Variants in CDKL5 observed in about 807,000 individuals in gnomAD.
The protein encoded by CDKL5 is cyclin-dependent kinase-like 5.
Under a neutral mutation model 61.7 loss-of-function variants are expected in CDKL5, and 8 were observed. That is an observed-to-expected ratio of 0.13 (90% CI 0.08 to 0.23). The LOEUF is 0.23. CDKL5 is among the 10% of genes least tolerant of loss of function. The pLI, the probability that CDKL5 is intolerant of heterozygous loss-of-function variation, is 1.00. For missense variants in CDKL5, 440 were observed against 734.5 expected (o/e 0.60, Z 4.63); for synonymous variants, 275 against 272.3 (o/e 1.01, Z -0.10).
intron 3 of CDKL5, among the ~76,000 whole-genome samples, chrX:18,550,797 A>C: frequency 8.9e-6 from 1 of 112,691 alleles, no homozygotes; most frequent in African/African-American, 3.2e-5. Context: ...ATAGTAACAC[A>C]ATTGCACAAT....
chrX:18,484,080 A>T (rs1921692002), intron 1 of CDKL5, among the ~76,000 whole-genome samples: 1 of 111,671 alleles, frequency 9.0e-6, no homozygotes, highest in African/African-American at 3.3e-5. Flanking sequence ...AGACCTGGAG[A>T]TGAGATCTGT....
intron 3 of CDKL5, among the ~76,000 whole-genome samples, chrX:18,526,381 C>T: frequency 9.0e-6 from 1 of 111,668 alleles, no homozygotes; most frequent in Middle Eastern, 4.6e-3. Flanking sequence ...TCTACATAGA[C>T]AGTCATGTCA....
Position 18,631,669 on chromosome X carries a change from A to G in CDKL5, c.*2912A>G, listed in dbSNP as rs1182118110. On this transcript the variant is annotated 3_prime_UTR_variant, in exon 18 of 18. Coordinates refer to ENST00000623535, the MANE Select transcript of CDKL5 (RefSeq NM_001323289.2). ...GTGAATGAAAGCTTATGTTACTTTT[A>G]TGAAAGTATCACTGATCTCCTTTGG... 5.3e-6 allele frequency: 4 copies of G among 751,955 alleles called. No individual in the cohort carries two copies. Among genetic ancestry groups the G allele is most frequent in the South Asian group, 6.8e-5 (1 of 14,715 alleles). 62.0% of individuals were successfully genotyped at this position (751,955 alleles called of 1,213,427 possible).
chrX:18,452,583 G>A (rs1271948110), intron 1 of CDKL5, among the ~76,000 whole-genome samples: 1 of 109,127 alleles, frequency 9.2e-6, no homozygotes, highest in East Asian at 2.9e-4. Context: ...ACGCTACCAC[G>A]CCCGGCTAAT....
At chrX:18,458,069 C>T (rs1352114051) in intron 1 of CDKL5, among the ~76,000 whole-genome samples, 6 of 106,269 alleles carry the variant, frequency 5.6e-5, no homozygotes, top group Admixed American at 3.1e-4. Context: ...TACAGGCATG[C>T]GCCACCATGC....
chrX:18,651,363 C>T (rs1381750976), intron 21 of CDKL5, among the ~76,000 whole-genome samples: 1 of 109,354 alleles, frequency 9.1e-6, no homozygotes, highest in African/African-American at 3.3e-5. Flanking sequence ...GCTTATGGAC[C>T]TGGAAGATCT....
Position 18,639,727 on chromosome X carries a change from T to G in CDKL5, c.*10970T>G. ...TCATAGCAGCATTATTCATAATAGCTAAAGAGTGGAAACCCAAATATCCAT... is the reference window on the plus strand; with the variant it reads ...TCATAGCAGCATTATTCATAATAGCGAAAGAGTGGAAACCCAAATATCCAT... On this transcript the variant is annotated 3_prime_UTR_variant, in exon 18 of 18. Transcript: ENST00000623535. Among the ~76,000 whole-genome samples the G allele has an allele frequency of 8.9e-6, 1 of 112,196 alleles. No individual in the cohort carries two copies. Among genetic ancestry groups the G allele is most frequent in the Non-Finnish European group, 1.9e-5 (1 of 53,252 alleles).
chrX:18,587,910 A>C, intron 8 of CDKL5, 44 bp from the exon 9 acceptor site: 1 of 1,103,356 alleles, frequency 9.1e-7, no homozygotes, highest in Non-Finnish European at 1.3e-6. Context: ...TCAAAACATT[A>C]TATTTTTTCA....
intron 4 of CDKL5, among the ~76,000 whole-genome samples, chrX:18,567,834 G>A (rs989335244): frequency 9.0e-6 from 1 of 111,673 alleles, no homozygotes; most frequent in African/African-American, 3.3e-5. Context: ...GCAGTGAGCC[G>A]TGATCATGCC....
intron 1 of CDKL5, among the ~76,000 whole-genome samples, chrX:18,451,454 G>A (rs1005156918): frequency 3.4e-4 from 38 of 112,230 alleles, no homozygotes; most frequent in Non-Finnish European, 6.2e-4. Context: ...GCCTCCCAAA[G>A]TGCTGGGTTT....
intron 3 of CDKL5, among the ~76,000 whole-genome samples, chrX:18,518,799 T>C (rs1923143961): frequency 1.0e-5 from 1 of 99,377 alleles, no homozygotes; most frequent in Non-Finnish European, 2.0e-5. Context: ...AACCTTTCCC[T>C]TTTTTTTTTT....
rs58669795 is a variant in CDKL5, at chrX:18,653,410, G to A, written c.2981-22G>A. The A allele has an allele frequency of 1.0e-3, 1,259 of 1,206,526 alleles. 7 individuals carry two copies. The African/African-American group carries it at 0.019, about 18-fold the overall frequency. The stretch of plus-strand genomic sequence containing the variant: ...GCTCCTGGCAGCTCTGAGTGACCCC[G>A]CTGTCCTTCTGTGCTTTCCAGGGTT... On this transcript the variant is annotated intron_variant, in intron 21 of 21. Coordinates refer to the CDKL5 transcript ENST00000379989.
chrX:18,538,938 T>G (rs1923932670), intron 3 of CDKL5, among the ~76,000 whole-genome samples: 1 of 112,457 alleles, frequency 8.9e-6, no homozygotes. Context: ...AAGTTGTTTA[T>G]TTCATCTTGG....
At position 18,631,755 on chromosome X, in the gene CDKL5, C is replaced by T; in HGVS notation, c.*2998C>T. 1.3e-6 allele frequency: 1 copy of T among 753,880 alleles called. No individual in the cohort carries two copies. The highest frequency in any genetic ancestry group is 2.3e-5 in the African/African-American group (1 of 43,845). 62.1% of individuals were successfully genotyped at this position (753,880 alleles called of 1,213,427 possible). A position where few individuals can be genotyped will look rare whatever the true frequency, so the allele number is the denominator to read the frequency against. ...TTTCTCTGCCATCCTCGTTTTTCCT[C>T]TCTGAAGTTCTAAATACCCTTTAAC... On this transcript the variant is annotated 3_prime_UTR_variant, in exon 18 of 18. Transcript: ENST00000623535.
chrX:18,628,237 TG>T, intron 17 of CDKL5, 133 bp from the exon 18 acceptor site: 1 of 615,786 alleles, frequency 1.6e-6, no homozygotes, highest in Non-Finnish European at 2.8e-6. Flanking sequence ...CAGATATGGC[TG>T]GACCGGCTCC....
In CDKL5 at chrX:18,629,622, C is replaced by T. The variant is rs908832800; in HGVS notation, c.*865C>T. On this transcript the variant is annotated 3_prime_UTR_variant, in exon 18 of 18. Transcript: ENST00000623535. Reference sequence around the variant, plus strand: ...TACACGTGACTGTAACAGTATGAACCTTGCTCAACTTTGAGGCCCCAGCAG... The same window carrying T: ...TACACGTGACTGTAACAGTATGAACTTTGCTCAACTTTGAGGCCCCAGCAG... 1 of 751,870 alleles carries T rather than the reference C, an allele frequency of 1.3e-6. No homozygotes were observed. The highest frequency in any genetic ancestry group is 2.3e-5 in the African/African-American group (1 of 43,039). 62.0% of individuals were successfully genotyped at this position (751,870 alleles called of 1,213,427 possible).
At chrX:18,584,158 A>G (rs1401353824) in intron 7 of CDKL5, 105 bp from the exon 8 acceptor site, 7 of 569,421 alleles carry the variant, frequency 1.2e-5, no homozygotes, top group Non-Finnish European at 2.2e-5. Context: ...CAGTCATTAC[A>G]TTCTTTTGAT....
intron 1 of CDKL5, among the ~76,000 whole-genome samples, chrX:18,442,845 T>C (rs1275626339): frequency 8.9e-6 from 1 of 112,257 alleles, no homozygotes; most frequent in Non-Finnish European, 1.9e-5. Context: ...CAGCTCTTTT[T>C]CATTGTAGTT....
At chrX:18,609,382 A>T in intron 13 of CDKL5, 83 bp from the exon 14 acceptor site, 1 of 1,204,292 alleles carries the variant, frequency 8.3e-7, no homozygotes, top group Non-Finnish European at 1.1e-6. Context: ...CAATAGAGTG[A>T]GACCCTGTCT....
Sources: allele counts gnomAD v4.1 joint callset (sites outside exome capture counted in the v4.1 genomes callset), GRCh38; gene constraint gnomAD v4.1.1; transcripts MANE v1.5; gene names NCBI Gene and HGNC (gene_info 2026-07-23, HGNC 2026-07-21).